Variants in PAK4 observed in about 807,000 individuals in gnomAD.
The protein encoded by PAK4 is p21 (RAC1) activated kinase 4.
Under a neutral mutation model 53.5 loss-of-function variants are expected in PAK4, and 49 were observed. The observed-to-expected ratio is 0.92, with a 90% CI of 0.73 to 1.16. The LOEUF is 1.16. Ranked by LOEUF, PAK4 falls within the 50% of genes most tolerant of loss-of-function variation. PAK4 has a pLI of 0.00. For missense variants in PAK4, 824 were observed against 850.7 expected, an observed-to-expected ratio of 0.97 and a Z score of 0.39; for synonymous variants, 376 against 375.6, an observed-to-expected ratio of 1.00 and a Z score of -0.01.
chr19:39,126,222 G>A (rs1365633367), intron 1 of PAK4, among the ~76,000 whole-genome samples: 3 of 152,094 alleles, frequency 2.0e-5, no homozygotes, highest in Non-Finnish European at 4.4e-5. Flanking sequence ...TTTGAGGGAA[G>A]GCTGCCCCCA....
intron 1 of PAK4, among the ~76,000 whole-genome samples, chr19:39,143,177 C>T (rs1254087357): frequency 1.3e-5 from 2 of 151,908 alleles, no homozygotes; most frequent in African/African-American, 2.4e-5. Flanking sequence ...ATGTCAACTC[C>T]AGGAGAGCAG....
chr19:39,145,252 C>T (rs774612612), intron 1 of PAK4, among the ~76,000 whole-genome samples: 1 of 152,092 alleles, frequency 6.6e-6, no homozygotes, highest in Non-Finnish European at 1.5e-5. Flanking sequence ...CCCCAGGGCC[C>T]CAGGCGTCGC....
At chr19:39,142,347 C>T (rs1198769250) in intron 1 of PAK4, among the ~76,000 whole-genome samples, 3 of 152,192 alleles carry the variant, frequency 2.0e-5, no homozygotes, top group South Asian at 2.1e-4. Flanking sequence ...CTGGCAAGCA[C>T]GCTTTCTTAG....
intron 1 of PAK4, among the ~76,000 whole-genome samples, chr19:39,127,430 G>A (rs537319806): frequency 3.2e-4 from 48 of 152,100 alleles, no homozygotes; most frequent in Middle Eastern, 6.8e-3. Context: ...ACCCTGGCTC[G>A]CCTTGCTGCA....
At chr19:39,155,150 C>A (rs1407802800) in intron 1 of PAK4, among the ~76,000 whole-genome samples, 2 of 152,164 alleles carry the variant, frequency 1.3e-5, no homozygotes, top group African/African-American at 4.8e-5. Context: ...CCTGGGTGCC[C>A]ATCCTGGGTC....
intron 1 of PAK4, among the ~76,000 whole-genome samples, chr19:39,147,841 G>GTTTTTTTTTTTTTTTT (rs35845376): frequency 2.3e-4 from 3 of 13,236 alleles, no homozygotes; most frequent in African/African-American, 3.4e-4. Context: ...TTGTTTTCGG[G>GTTTTTTTTTTTTTTTT]TTTTTTTTTT....
At chr19:39,169,415 A>G in intron 1 of PAK4, 117 bp from the exon 3 acceptor site, 1 of 733,538 alleles carries the variant, frequency 1.4e-6, no homozygotes, top group Non-Finnish European at 2.3e-6. Context: ...ACCCAGAAGG[A>G]GGCTACTGCC....
chr19:39,172,776 A>G (rs941630687), intron 2 of PAK4, 142 bp from the exon 4 acceptor site: 2 of 734,842 alleles, frequency 2.7e-6, no homozygotes, highest in African/African-American at 1.8e-5. Context: ...TGCCCATGCC[A>G]TTGTCACTCC....
chr19:39,126,552 C>T (rs563979571), intron 1 of PAK4, among the ~76,000 whole-genome samples: 1 of 151,872 alleles, frequency 6.6e-6, no homozygotes, highest in African/African-American at 2.4e-5. Flanking sequence ...ATGGGCTAGA[C>T]CCTCTTTTTA....
At position 39,173,850 on chromosome 19, in the gene PAK4, A is replaced by G; in HGVS notation, c.938A>G (p.Asp313Gly). Residue 313 changes from aspartate (D) to glycine (G), a missense_variant, in exon 4 of 9, where the codon GAC becomes GGC. This residue lies in a region of PAK4 where 346 missense variants were observed against 415.0 expected (regional missense o/e 0.83). Transcript: ENST00000358301. This position sits in a 1 kb window ranked among gnomAD's most constrained non-coding sequence, Gnocchi z 6.9. ...CGGGCTGCCCTGCAGCTGGTGGTGG[A>G]CCCAGGCGACCCCCGCTCCTACCTG... The G allele has an allele frequency of 1.2e-6, 2 of 1,612,492 alleles. No homozygotes were observed. Among genetic ancestry groups the G allele is most frequent in the Non-Finnish European group, 1.7e-6 (2 of 1,179,750 alleles).
At position 39,173,486 on chromosome 19, in the gene PAK4, G is replaced by T. The variant is rs1018497886; in HGVS notation, c.664-90G>T. ...TGCATCTCATCCTGACCACCCATGT[G>T]TCTGTCCCATCGCTGGGTCTCTCTC... On this transcript the variant is annotated intron_variant, in intron 3 of 8. Coordinates refer to ENST00000358301, the Ensembl canonical transcript of PAK4. This position sits in a 1 kb window ranked among gnomAD's most constrained non-coding sequence, Gnocchi z 6.9. 2 of 1,349,570 alleles carry T rather than the reference G, an allele frequency of 1.5e-6. No homozygotes were observed. Among genetic ancestry groups the T allele is most frequent in the Non-Finnish European group, 2.0e-6 (2 of 992,114 alleles). 83.6% of individuals were successfully genotyped at this position (1,349,570 alleles called of 1,614,324 possible).
In PAK4 at chr19:39,173,477, C is replaced by T; in HGVS notation, c.664-99C>T. 5 of 1,338,766 alleles carry T rather than the reference C, an allele frequency of 3.7e-6. No individual in the cohort carries two copies. The highest frequency in any genetic ancestry group is 5.1e-6 in the Non-Finnish European group (5 of 984,160). 82.9% of individuals were successfully genotyped at this position (1,338,766 alleles called of 1,614,324 possible). A position where few individuals can be genotyped will look rare whatever the true frequency, so the allele number is the denominator to read the frequency against. ...CCACCACCGTGCATCTCATCCTGAC[C>T]ACCCATGTGTCTGTCCCATCGCTGG... On this transcript the variant is annotated intron_variant, in intron 3 of 8. Transcript: ENST00000358301. The surrounding 1 kb of genome is among the most constrained non-coding windows in gnomAD (Gnocchi z 6.9).
intron 1 of PAK4, among the ~76,000 whole-genome samples, chr19:39,165,546 AT>A (rs2144794338): frequency 1.5e-5 from 2 of 135,326 alleles, no homozygotes; most frequent in African/African-American, 5.0e-5. Context: ...AAATAAATAA[AT>A]AAATAAAATA....
intron 2 of PAK4, among the ~76,000 whole-genome samples, chr19:39,169,980 C>G (rs2074448439): frequency 6.6e-6 from 1 of 152,188 alleles, no homozygotes; most frequent in South Asian, 2.1e-4. Flanking sequence ...TGAGCCTCCC[C>G]CACGGCCCAT....
downstream of PAK4, chr19:39,179,895 A>G (rs895235758): frequency 1.3e-5 from 2 of 152,252 alleles, no homozygotes; most frequent in East Asian, 1.9e-4. Flanking sequence ...GCTGGGGGGA[A>G]TCTGACTGGC....
chr19:39,126,455 G>A (rs1287927268), intron 1 of PAK4, among the ~76,000 whole-genome samples: 1 of 135,432 alleles, frequency 7.4e-6, no homozygotes, highest in African/African-American at 2.7e-5. Flanking sequence ...GGGGGGGGGG[G>A]GGGGGGCCGG....
At chr19:39,146,018 G>T (rs2073993344) in intron 1 of PAK4, among the ~76,000 whole-genome samples, 7 of 152,218 alleles carry the variant, frequency 4.6e-5, no homozygotes, top group Admixed American at 3.3e-4. Flanking sequence ...TTGTGTGAGG[G>T]TTATTTCATC....
At chr19:39,180,426 T>A (rs1175476477), downstream of PAK4, 1 of 151,866 alleles carries the variant, frequency 6.6e-6, no homozygotes, top group African/African-American at 2.4e-5. Flanking sequence ...GTTTCAGGCT[T>A]GAATGCACTT....
intron 1 of PAK4, among the ~76,000 whole-genome samples, chr19:39,145,873 A>C: frequency 7.1e-6 from 1 of 140,454 alleles, no homozygotes; most frequent in African/African-American, 2.6e-5. Context: ...CGGGGAGTTT[A>C]CTCTCAAAGG....
Sources: allele counts gnomAD v4.1 joint callset (sites outside exome capture counted in the v4.1 genomes callset), GRCh38; gene constraint gnomAD v4.1.1; regional missense constraint gnomAD v4.1.1; non-coding constraint Gnocchi (gnomAD v3.1); transcripts MANE v1.5; gene names NCBI Gene and HGNC (gene_info 2026-07-23, HGNC 2026-07-21).